COX16: variants seen among roughly 807,000 people sequenced by gnomAD.
COX16 encodes cytochrome c oxidase assembly factor COX16.
COX16 carries 12 observed loss-of-function variants against 15.4 expected under a neutral mutation model. That is an observed-to-expected ratio of 0.78 (90% CI 0.50 to 1.26). The LOEUF (loss-of-function observed/expected upper bound fraction) is 1.26. Ranked by LOEUF, COX16 falls within the 50% of genes most tolerant of loss-of-function variation. The probability of loss-of-function intolerance (pLI) is 0.00; values close to 1 mark genes in which losing one functional copy is unlikely to be tolerated. For missense variants in COX16, 124 were observed against 127.6 expected, an observed-to-expected ratio of 0.97 and a Z score of 0.14; for synonymous variants, 46 against 41.1, an observed-to-expected ratio of 1.12 and a Z score of -0.46.
intron 3 of COX16, chr14:70,328,129 GAGTGC>G (rs1370134492): frequency 1.6e-5 from 2 of 127,510 alleles, no homozygotes; most frequent in Non-Finnish European, 3.1e-5. Flanking sequence ...ACCCAGGCTG[GAGTGC>G]AGTGGCGCGA....
At chr14:70,331,911 T>G (rs1007035277) in intron 2 of COX16, among the ~76,000 whole-genome samples, 1 of 152,222 alleles carries the variant, frequency 6.6e-6, no homozygotes, top group African/African-American at 2.4e-5. Flanking sequence ...AAAGTCTTGC[T>G]GCAGGAACCT....
intron 2 of COX16, among the ~76,000 whole-genome samples, chr14:70,329,574 CT>C (rs1179415476): frequency 2.6e-5 from 4 of 151,972 alleles, no homozygotes; most frequent in African/African-American, 9.7e-5. Flanking sequence ...CAGAGCTTGG[CT>C]TTAAGTATTA....
intron 3 of COX16, 36 bp from the exon 4 acceptor site, chr14:70,326,485 G>A (rs922420554): frequency 4.0e-6 from 6 of 1,500,940 alleles, no homozygotes; most frequent in Non-Finnish European, 5.3e-6. Context: ...ATAAATATTA[G>A]TATAAGAGCC....
intron 2 of COX16, among the ~76,000 whole-genome samples, 160 bp downstream of exon 2, chr14:70,342,498 T>C (rs1886653392): frequency 6.6e-6 from 1 of 152,206 alleles, no homozygotes; most frequent in East Asian, 1.9e-4. Context: ...TTCACTGCCA[T>C]GTGATCACTA....
At chr14:70,355,407 CTCT>C (rs1273527621) in intron 1 of COX16, among the ~76,000 whole-genome samples, 3 of 152,224 alleles carry the variant, frequency 2.0e-5, no homozygotes, top group Non-Finnish European at 2.9e-5. Context: ...ACAATGTTTT[CTCT>C]TCTTCTCTAT....
intron 1 of COX16, among the ~76,000 whole-genome samples, chr14:70,354,824 CATAGA>C (rs2140758616): frequency 8.8e-6 from 1 of 113,498 alleles, no homozygotes; most frequent in South Asian, 3.2e-4. Context: ...CAGGACTATG[CATAGA>C]GTGTGTGTGT....
intron 1 of COX16, among the ~76,000 whole-genome samples, chr14:70,352,307 C>G (rs1886979088): frequency 6.6e-6 from 1 of 152,084 alleles, no homozygotes; most frequent in Non-Finnish European, 1.5e-5. Context: ...CTGCCTCAGC[C>G]TCCCGAGTAG....
intron 3 of COX16, 75 bp from the exon 4 acceptor site, chr14:70,326,524 CAATG>C (rs1363109354): frequency 8.6e-7 from 1 of 1,167,948 alleles, no homozygotes; most frequent in African/African-American, 1.6e-5. Flanking sequence ...ACAACTAACT[CAATG>C]AATAAATGAG....
At chr14:70,354,257 A>G (rs1399987780) in intron 1 of COX16, among the ~76,000 whole-genome samples, 1 of 152,262 alleles carries the variant, frequency 6.6e-6, no homozygotes, top group African/African-American at 2.4e-5. Context: ...TCTGTTATAG[A>G]TAAGCAGCTA....
Position 70,355,640 on chromosome 14 carries a change from A to C in COX16, c.69+3879T>G, listed in dbSNP as rs981054230. On this transcript the variant is annotated intron_variant, in intron 1 of 3. Coordinates refer to ENST00000389912, the MANE Select transcript of COX16 (RefSeq NM_016468.7). ...AGTTAAACATGACGACATCCTGCTA[A>C]ACTAGAAGACTTAAATAGGATATCA... is the stretch of plus-strand genomic sequence containing the variant. Among the ~76,000 whole-genome samples the C allele has an allele frequency of 3.3e-5, 5 of 152,228 alleles. No homozygotes were observed. The East Asian group carries it at 9.6e-4, about 29-fold the overall frequency.
intron 1 of COX16, among the ~76,000 whole-genome samples, chr14:70,344,176 T>C (rs928933318): frequency 6.6e-6 from 1 of 152,232 alleles, no homozygotes; most frequent in African/African-American, 2.4e-5. Flanking sequence ...ACAATAGCGA[T>C]GTTATCCCCA....
chr14:70,338,502 T>C (rs959836417), intron 2 of COX16, among the ~76,000 whole-genome samples: 5 of 152,220 alleles, frequency 3.3e-5, no homozygotes, highest in Admixed American at 6.5e-5. Context: ...CTGTTTAGCA[T>C]TGATATACTA....
rs374475850 is a variant in COX16 at position 70,340,549 on chromosome 14, CT to C, written c.141+2108del. 2.8e-4 allele frequency among the ~76,000 whole-genome samples: 43 copies of C among 152,290 alleles called. 1 individual carries two copies. In the South Asian group the frequency reaches 8.9e-3, roughly 32 times the overall value. ...TTTGCTGCTAAAATTATTGCTGGAA[CT>C]CATTAATTTCTCTTTATCATCGTTG... On this transcript the variant is annotated intron_variant, in intron 2 of 3. Coordinates refer to ENST00000389912, the MANE Select transcript of COX16 (RefSeq NM_016468.7).
At chr14:70,344,461 T>C (rs151269555) in intron 1 of COX16, among the ~76,000 whole-genome samples, 149 of 152,360 alleles carry the variant, frequency 9.8e-4, no homozygotes, top group African/African-American at 3.4e-3. Context: ...ATTTCTTTCA[T>C]TGTCATAATT....
At chr14:70,358,491 G>A (rs191908420) in intron 1 of COX16, among the ~76,000 whole-genome samples, 9 of 148,252 alleles carry the variant, frequency 6.1e-5, no homozygotes, top group African/African-American at 1.7e-4. Flanking sequence ...GTGAGCCATC[G>A]TGCTTGGCCC....
intron 2 of COX16, among the ~76,000 whole-genome samples, chr14:70,331,949 C>T (rs1225805516): frequency 6.6e-6 from 1 of 152,108 alleles, no homozygotes; most frequent in Non-Finnish European, 1.5e-5. Flanking sequence ...GTTGTCAAAC[C>T]CTGATGGAGC....
intron 1 of COX16, 146 bp from the exon 2 acceptor site, chr14:70,342,875 C>T: frequency 1.2e-6 from 1 of 822,402 alleles, no homozygotes; most frequent in Non-Finnish European, 1.9e-6. Flanking sequence ...CACCATTCAT[C>T]TTTTAGAGTA....
chr14:70,330,803 T>C (rs560340616), intron 2 of COX16, among the ~76,000 whole-genome samples: 3 of 152,280 alleles, frequency 2.0e-5, no homozygotes, highest in East Asian at 1.9e-4. Flanking sequence ...TATTTGATGA[T>C]TGCACAATTT....
chr14:70,350,988 G>A (rs543488649), intron 1 of COX16, among the ~76,000 whole-genome samples: 3 of 152,284 alleles, frequency 2.0e-5, no homozygotes, highest in African/African-American at 7.2e-5. Flanking sequence ...CTCAGAAAAA[G>A]CAGACATACC....
Sources: allele counts gnomAD v4.1 joint callset (sites outside exome capture counted in the v4.1 genomes callset), GRCh38; gene constraint gnomAD v4.1.1; transcripts MANE v1.5; gene names NCBI Gene and HGNC (gene_info 2026-07-23, HGNC 2026-07-21).